The following PTPRK variants were observed in gnomAD, a reference collection of about 807,000 sequenced individuals.
PTPRK encodes the protein protein tyrosine phosphatase receptor type K, also known as receptor-type tyrosine-protein phosphatase kappa.
A neutral mutation model predicts 178.0 loss-of-function variants in PTPRK; 75 were observed. The ratio of observed to expected loss-of-function variants is 0.42; its 90% CI spans 0.35 to 0.51. The LOEUF (loss-of-function observed/expected upper bound fraction) is 0.51. Ranked by LOEUF, PTPRK falls within the 20% of genes least tolerant of loss-of-function variation. The pLI, the probability that PTPRK is intolerant of heterozygous loss-of-function variation, is 0.02. For missense variants in PTPRK, 1,441 were observed against 1,797.8 expected (o/e 0.80, Z 3.59); for synonymous variants, 637 against 620.6 (o/e 1.03, Z -0.39).
chr6:128,282,027 G>C (rs966970026), intron 3 of PTPRK, among the ~76,000 whole-genome samples: 1 of 152,140 alleles, frequency 6.6e-6, no homozygotes, highest in African/African-American at 2.4e-5. Context: ...GATTAGCAAA[G>C]AACTGATTCT....
rs894154103 is a variant in PTPRK, at chr6:128,426,935, G to A, written c.101-29247C>T. ...TGGTACTCCTCAATTTCAGTCTTTTGATAATGGAATCTTCCACACAGCCAA... is the reference window on the plus strand; with the variant it reads ...TGGTACTCCTCAATTTCAGTCTTTTAATAATGGAATCTTCCACACAGCCAA... On this transcript the variant is annotated intron_variant, in intron 1 of 29. Coordinates refer to ENST00000368226, the MANE Select transcript of PTPRK (RefSeq NM_002844.4). Among the ~76,000 whole-genome samples, 3 of 152,250 alleles carry A rather than the reference G, an allele frequency of 2.0e-5. No individual in the cohort carries two copies. In the South Asian group the frequency reaches 6.2e-4, roughly 32 times the overall value.
intron 1 of PTPRK, among the ~76,000 whole-genome samples, chr6:128,404,297 C>G (rs1841389540): frequency 2.0e-5 from 3 of 152,224 alleles, no homozygotes; most frequent in Admixed American, 2.0e-4. Context: ...AAGGTGAGAA[C>G]TAGAGACACT....
At chr6:128,489,584 A>G (rs1431053510) in intron 1 of PTPRK, among the ~76,000 whole-genome samples, 2 of 152,252 alleles carry the variant, frequency 1.3e-5, no homozygotes, top group Admixed American at 6.5e-5. Context: ...TATAAAATCA[A>G]TAAAATCTAA....
At chr6:128,099,222 C>G (rs1220794439) in intron 7 of PTPRK, among the ~76,000 whole-genome samples, 1 of 150,928 alleles carries the variant, frequency 6.6e-6, no homozygotes, top group Non-Finnish European at 1.5e-5. Context: ...CCAAATCCCT[C>G]TAATACTGCT....
chr6:128,509,179 T>A (rs1299584484), intron 1 of PTPRK, among the ~76,000 whole-genome samples: 3 of 152,118 alleles, frequency 2.0e-5, no homozygotes, highest in African/African-American at 7.2e-5. Context: ...TGGTATAGTA[T>A]ATTTAAGGGT....
chr6:128,350,897 T>A (rs1281183366), intron 2 of PTPRK, among the ~76,000 whole-genome samples: 1 of 152,180 alleles, frequency 6.6e-6, no homozygotes, highest in Non-Finnish European at 1.5e-5. Context: ...CTCTTAGCCC[T>A]CTAACCTAAA....
chr6:127,991,586 T>C (rs1776615898), intron 19 of PTPRK, among the ~76,000 whole-genome samples, 195 bp from the exon 20 acceptor site: 1 of 147,300 alleles, frequency 6.8e-6, no homozygotes, highest in South Asian at 2.1e-4. Context: ...TACAAGTTTT[T>C]TTTTTTTTTT....
chr6:128,359,798 C>T (rs926834340), intron 2 of PTPRK, among the ~76,000 whole-genome samples: 2 of 151,782 alleles, frequency 1.3e-5, no homozygotes, highest in Non-Finnish European at 2.9e-5. Context: ...AAAAAATAAT[C>T]CATAACACAT....
chr6:128,110,540 T>C (rs1790480064), intron 7 of PTPRK, among the ~76,000 whole-genome samples: 1 of 151,948 alleles, frequency 6.6e-6, no homozygotes, highest in Non-Finnish European at 1.5e-5. Flanking sequence ...GAGCTAGGAC[T>C]ACATATGCAG....
At chr6:128,121,987 A>AT (rs1792543523) in intron 7 of PTPRK, among the ~76,000 whole-genome samples, 1 of 152,148 alleles carries the variant, frequency 6.6e-6, no homozygotes, top group Non-Finnish European at 1.5e-5. Context: ...AAGGGCAGTT[A>AT]ACACCTGTAA....
At chr6:127,984,854 T>G (rs1407465356) in intron 22 of PTPRK, among the ~76,000 whole-genome samples, 3 of 150,612 alleles carry the variant, frequency 2.0e-5, no homozygotes, top group Non-Finnish European at 4.4e-5. Flanking sequence ...GAAAGGAAGT[T>G]TTTTTTGTTT....
At chr6:128,380,392 A>T (rs1837710130) in intron 2 of PTPRK, among the ~76,000 whole-genome samples, 1 of 152,060 alleles carries the variant, frequency 6.6e-6, no homozygotes, top group Non-Finnish European at 1.5e-5. Context: ...GTTTCCCCTT[A>T]TAAACGCAAC....
chr6:128,322,078 A>G lies in PTPRK; in HGVS notation c.456T>C (p.Ala152=). 6.2e-7 allele frequency: 1 copy of G among 1,613,924 alleles called. No homozygotes were observed. ...GCCAAAAGGTGCTCACTGCTAGCTCAGCCCGAAGCCAATCTCTACCCGTGA... is the reference window on the plus strand; with the variant it reads ...GCCAAAAGGTGCTCACTGCTAGCTCGGCCCGAAGCCAATCTCTACCCGTGA... ...TGFTGRDWLR[A]ELAVSTFWPN... Residue 152 remains alanine, a synonymous_variant, in exon 3 of 30, where the codon GCT becomes GCC. Transcript: ENST00000368226.
chr6:128,251,811 A>T (rs1019407496), intron 3 of PTPRK, among the ~76,000 whole-genome samples: 1 of 152,180 alleles, frequency 6.6e-6, no homozygotes, highest in Non-Finnish European at 1.5e-5. Flanking sequence ...CTTTAATAAA[A>T]CATCAATTTA....
intron 2 of PTPRK, among the ~76,000 whole-genome samples, chr6:128,333,151 G>A (rs1830487291): frequency 1.3e-5 from 2 of 152,164 alleles, no homozygotes; most frequent in South Asian, 4.1e-4. Context: ...ATCCAAGATT[G>A]AAATGAACAA....
chr6:128,271,846 G>C (rs2128297785), intron 3 of PTPRK, among the ~76,000 whole-genome samples: 1 of 151,974 alleles, frequency 6.6e-6, no homozygotes, highest in Admixed American at 6.6e-5. Flanking sequence ...GTTGGAACAA[G>C]AGTTTTACTT....
In PTPRK at chr6:128,395,522, CTTA is replaced by C. The variant is rs1840185011; in HGVS notation, c.223+2041_223+2043del. Reference sequence around the variant, plus strand: ...AACATTTCCATAAATCAACATCTTTCTTATTATTCTATGATGATAAACATTCAA... The same window carrying C: ...AACATTTCCATAAATCAACATCTTTCTTATTCTATGATGATAAACATTCAA... On this transcript the variant is annotated intron_variant, in intron 2 of 29. Transcript: ENST00000368226. Among the ~76,000 whole-genome samples the C allele has an allele frequency of 3.3e-5, 5 of 152,142 alleles. No individual in the cohort carries two copies. The South Asian group carries it at 8.3e-4, about 25-fold the overall frequency.
At chr6:128,386,501 C>T (rs991884926) in intron 2 of PTPRK, among the ~76,000 whole-genome samples, 1 of 152,090 alleles carries the variant, frequency 6.6e-6, no homozygotes, top group Non-Finnish European at 1.5e-5. Context: ...GGAATTCACC[C>T]ACATTTATAA....
chr6:128,179,222 G>A (rs970583194), intron 7 of PTPRK, among the ~76,000 whole-genome samples: 2 of 151,936 alleles, frequency 1.3e-5, no homozygotes, highest in Admixed American at 6.6e-5. Context: ...TTAAGTGTGA[G>A]GCATTGGTTG....
Sources: allele counts gnomAD v4.1 joint callset (sites outside exome capture counted in the v4.1 genomes callset), GRCh38; gene constraint gnomAD v4.1.1; transcripts MANE v1.5; gene names NCBI Gene and HGNC (gene_info 2026-07-23, HGNC 2026-07-21).